Variants in STXBP4 observed in about 807,000 individuals in gnomAD.
The protein encoded by STXBP4 is syntaxin binding protein 4, also known as syntaxin-binding protein 4.
A neutral mutation model predicts 76.1 loss-of-function variants in STXBP4; 55 were observed. That is an observed-to-expected ratio of 0.72 (90% CI 0.58 to 0.91). The LOEUF is 0.91. STXBP4 is among the 40% of genes least tolerant of loss of function. STXBP4 has a pLI of 0.00. For synonymous variants in STXBP4, 201 were observed against 220.2 expected, an observed-to-expected ratio of 0.91 and a Z score of 0.77; for missense variants, 618 against 636.9, an observed-to-expected ratio of 0.97 and a Z score of 0.32.
At chr17:55,174,938 G>A (rs774372294), downstream of STXBP4, among the ~76,000 whole-genome samples, 8 of 152,022 alleles carry the variant, frequency 5.3e-5, no homozygotes, top group Non-Finnish European at 8.8e-5. Flanking sequence ...GCAGGAGAAC[G>A]GCGTGAACCT....
chr17:55,026,065 A>G (rs906727341), intron 8 of STXBP4, among the ~76,000 whole-genome samples: 1 of 152,244 alleles, frequency 6.6e-6, no homozygotes, highest in African/African-American at 2.4e-5. Context: ...AAAGAAGTGC[A>G]AGACATATAT....
chr17:55,046,053 A>G (rs1017092908), intron 11 of STXBP4, among the ~76,000 whole-genome samples: 2 of 152,068 alleles, frequency 1.3e-5, no homozygotes. Context: ...GCTAATTTTT[A>G]TCTTGCAAGA....
intron 16 of STXBP4, among the ~76,000 whole-genome samples, chr17:55,136,267 T>C (rs2080027636): frequency 6.6e-6 from 1 of 152,108 alleles, no homozygotes; most frequent in African/African-American, 2.4e-5. Context: ...TAAAACAGCA[T>C]TGCTGTCCTT....
intron 12 of STXBP4, among the ~76,000 whole-genome samples, chr17:55,065,056 A>G (rs2079034344): frequency 6.6e-6 from 1 of 152,178 alleles, no homozygotes; most frequent in Non-Finnish European, 1.5e-5. Context: ...ATCATAGATT[A>G]AATTCTTACA....
chr17:55,065,673 G>A (rs1268363416), intron 12 of STXBP4, among the ~76,000 whole-genome samples: 1 of 151,622 alleles, frequency 6.6e-6, no homozygotes, highest in East Asian at 1.9e-4. Context: ...CATGTTCAAG[G>A]TTAAATATAT....
intron 13 of STXBP4, among the ~76,000 whole-genome samples, chr17:55,073,759 G>A (rs936442773): frequency 6.6e-6 from 1 of 152,048 alleles, no homozygotes; most frequent in Non-Finnish European, 1.5e-5. Flanking sequence ...CTCCCAAGTA[G>A]CTGCGGTTAC....
intron 12 of STXBP4, among the ~76,000 whole-genome samples, chr17:55,058,975 A>T (rs2078965252): frequency 6.6e-6 from 1 of 151,978 alleles, no homozygotes; most frequent in African/African-American, 2.4e-5. Context: ...ATATTTCAAA[A>T]TTTTCTTCTA....
intron 16 of STXBP4, among the ~76,000 whole-genome samples, chr17:55,118,398 C>T (rs960780501): frequency 2.0e-5 from 3 of 151,880 alleles, no homozygotes; most frequent in African/African-American, 7.2e-5. Flanking sequence ...GAGGCCAGAA[C>T]AGATTTACTT....
chr17:54,974,411 A>C (rs1014254998), intron 1 of STXBP4, among the ~76,000 whole-genome samples: 6 of 152,348 alleles, frequency 3.9e-5, no homozygotes, highest in Admixed American at 1.3e-4. Context: ...ATTTTCTGGC[A>C]GTGGCCTCTG....
chr17:55,077,827 T>C (rs573324266), intron 13 of STXBP4, among the ~76,000 whole-genome samples: 2 of 152,128 alleles, frequency 1.3e-5, no homozygotes, highest in Non-Finnish European at 2.9e-5. Flanking sequence ...CATAAACTAA[T>C]TTAAATGTAT....
At chr17:55,032,845 A>G (rs1328584369) in intron 9 of STXBP4, among the ~76,000 whole-genome samples, 2 of 152,108 alleles carry the variant, frequency 1.3e-5, no homozygotes, top group Non-Finnish European at 2.9e-5. Flanking sequence ...CTGAACAGAA[A>G]TGTCAGCTGG....
At chr17:55,145,201 C>A (rs552445002) in intron 17 of STXBP4, among the ~76,000 whole-genome samples, 49 of 152,126 alleles carry the variant, frequency 3.2e-4, no homozygotes, top group Admixed American at 4.6e-4. Context: ...TTGTTTTAAT[C>A]TTCATTCTCT....
At chr17:55,049,295 A>G (rs2078829896) in intron 12 of STXBP4, among the ~76,000 whole-genome samples, 1 of 151,940 alleles carries the variant, frequency 6.6e-6, no homozygotes, top group African/African-American at 2.4e-5. Flanking sequence ...ATAACTTTGG[A>G]AAATGTTCCC....
chr17:54,992,429 A>AG (rs1405609595), intron 4 of STXBP4, among the ~76,000 whole-genome samples: 1 of 151,724 alleles, frequency 6.6e-6, no homozygotes, highest in African/African-American at 2.4e-5. Flanking sequence ...AAAAAAAAAA[A>AG]GTATTATTTA....
the STXBP4 span, among the ~76,000 whole-genome samples, chr17:55,185,239 T>C: frequency 4.0e-3 from 186 of 46,204 alleles, 4 homozygotes; most frequent in African/African-American, 8.2e-3. Flanking sequence ...TTCTTCTTCT[T>C]CTTCTTCTTC....
At position 55,090,555 on chromosome 17, in the gene STXBP4, A is replaced by G. The variant is rs1353999833; in HGVS notation, c.1489+9372A>G. 2.6e-5 allele frequency among the ~76,000 whole-genome samples: 4 copies of G among 152,202 alleles called. No individual in the cohort carries two copies. The South Asian group carries it at 8.3e-4, about 31-fold the overall frequency. On this transcript the variant is annotated intron_variant, in intron 16 of 17. Transcript: ENST00000376352. Reference sequence around the variant, plus strand: ...CACATTCTTTAAAAGGTCAAAAACCAGTTCTGAGTAGAGAGCTCTCTAAAT... The same window carrying G: ...CACATTCTTTAAAAGGTCAAAAACCGGTTCTGAGTAGAGAGCTCTCTAAAT...
Position 55,104,088 on chromosome 17 carries a change from T to C in STXBP4, c.1489+22905T>C, listed in dbSNP as rs183458515. ...CATTTGCAAACAGAGACAATTTGAC[T>C]TCCTCTATTCCTATTCGAATACCCT... On this transcript the variant is annotated intron_variant, in intron 16 of 17. Coordinates refer to ENST00000376352, the MANE Select transcript of STXBP4 (RefSeq NM_178509.6). 3.1e-3 allele frequency among the ~76,000 whole-genome samples: 468 copies of C among 152,324 alleles called. 4 individuals are homozygous for C. The highest frequency in any genetic ancestry group is 2.2e-3 in the Non-Finnish European group (149 of 68,032).
At chr17:55,210,738 A>G in the STXBP4 span, among the ~76,000 whole-genome samples, 1 of 152,170 alleles carries the variant, frequency 6.6e-6, no homozygotes, top group Non-Finnish European at 1.5e-5. Flanking sequence ...ACCCAAGAAC[A>G]CACATGTGTT....
chr17:55,037,905 A>G (rs1350405067), intron 10 of STXBP4, among the ~76,000 whole-genome samples: 1 of 152,212 alleles, frequency 6.6e-6, no homozygotes, highest in Non-Finnish European at 1.5e-5. Context: ...AAAAGCAAAT[A>G]AAAAATAACT....
Sources: allele counts gnomAD v4.1 joint callset (sites outside exome capture counted in the v4.1 genomes callset), GRCh38; gene constraint gnomAD v4.1.1; transcripts MANE v1.5; gene names NCBI Gene and HGNC (gene_info 2026-07-23, HGNC 2026-07-21).